The following DLGAP1 variants were observed in gnomAD, a reference collection of about 807,000 sequenced individuals.
DLGAP1 encodes disks large-associated protein 1.
In DLGAP1, 11 loss-of-function variants were observed where a neutral mutation model predicts 90.8. That is an observed-to-expected ratio of 0.12 (90% CI 0.08 to 0.20). DLGAP1 has a LOEUF of 0.20. Among genes scored for constraint, DLGAP1 ranks in the 10% least tolerant of loss-of-function variants. The probability of loss-of-function intolerance (pLI) is 1.00; values close to 1 mark genes in which losing one functional copy is unlikely to be tolerated. For synonymous variants in DLGAP1, 558 were observed against 540.7 expected (o/e 1.03, Z -0.44); for missense variants, 1,050 against 1,333.8 (o/e 0.79, Z 3.31).
intron 1 of DLGAP1, among the ~76,000 whole-genome samples, chr18:4,354,414 G>GT (rs2081462949): frequency 6.6e-6 from 1 of 152,084 alleles, no homozygotes. Flanking sequence ...AGAAGAATCT[G>GT]GACACGCCCT....
At chr18:3,643,662 CAAAA>C (rs538678987) in intron 7 of DLGAP1, among the ~76,000 whole-genome samples, 1 of 65,020 alleles carries the variant, frequency 1.5e-5, no homozygotes, top group African/African-American at 5.6e-5. Flanking sequence ...GACTCCATCT[CAAAA>C]AAAAAAAAAA....
chr18:4,433,783 T>C (rs534519969), intron 1 of DLGAP1, among the ~76,000 whole-genome samples: 1 of 152,350 alleles, frequency 6.6e-6, no homozygotes, highest in South Asian at 2.1e-4. Flanking sequence ...GTCATCTATT[T>C]ATTCTTCAGT....
Position 3,499,278 on chromosome 18 carries a change from G to A in DLGAP1, c.2841C>T (p.Ala947=). 6.3e-7 allele frequency: 1 copy of A among 1,597,530 alleles called. No homozygotes were observed. The highest frequency in any genetic ancestry group is 1.3e-5 in the African/African-American group (1 of 74,338). ...GGCGGACGGACGCGGCGCGCTTGGC[G>A]GCCATCAGGCGCTTGCGGGCCTCCT... is the stretch of plus-strand genomic sequence containing the variant. The part of the protein sequence containing the change: ...QRQEARKRLM[A]AKRAASVRQN... The change falls in exon 13 of 13, where the codon GCC becomes GCT. Residue 947 remains alanine, a synonymous_variant. Transcript: ENST00000315677. This position sits in a 1 kb window ranked among gnomAD's most constrained non-coding sequence, Gnocchi z 6.4.
chr18:4,368,781 A>AAGT (rs2081844459), intron 1 of DLGAP1, among the ~76,000 whole-genome samples: 1 of 151,840 alleles, frequency 6.6e-6, no homozygotes, highest in Non-Finnish European at 1.5e-5. Context: ...GGTTTTAAAT[A>AAGT]AAGTATTAAT....
At chr18:3,848,142 A>AAAAAAG in intron 4 of DLGAP1, among the ~76,000 whole-genome samples, 2 of 148,058 alleles carry the variant, frequency 1.4e-5, no homozygotes, top group African/African-American at 4.9e-5. Context: ...AAAAAAAAAA[A>AAAAAAG]AAAAAAAAAA....
intron 7 of DLGAP1, among the ~76,000 whole-genome samples, chr18:3,723,663 A>G (rs2062056474): frequency 6.6e-6 from 1 of 152,060 alleles, no homozygotes; most frequent in South Asian, 2.1e-4. Flanking sequence ...CTTGGAATGA[A>G]GACCCAAACC....
chr18:4,443,302 G>C (rs115707005), intron 1 of DLGAP1, among the ~76,000 whole-genome samples: 3,795 of 152,228 alleles, frequency 0.025, 62 homozygotes, highest in African/African-American at 0.044. Context: ...AGCTCTGTTT[G>C]CTCCCACTTC....
rs184540559 is a variant in DLGAP1, at chr18:3,549,804, A to G, written c.2058-15189T>C. On this transcript the variant is annotated intron_variant, in intron 9 of 12. Coordinates refer to ENST00000315677, the MANE Select transcript of DLGAP1 (RefSeq NM_004746.4). ...CAACTGAATATGTGTTACAGGCCAA[A>G]TTGTGGGCCCCTTCCCTAAATTCAT... is the stretch of plus-strand genomic sequence containing the variant. Among the ~76,000 whole-genome samples the G allele has an allele frequency of 5.4e-4, 83 of 152,328 alleles. 1 individual carries two copies. The highest frequency in any genetic ancestry group is 3.4e-3 in the Middle Eastern group (1 of 294).
intron 3 of DLGAP1, among the ~76,000 whole-genome samples, chr18:3,888,587 C>A (rs1234697111): frequency 6.6e-6 from 1 of 151,174 alleles, no homozygotes; most frequent in East Asian, 1.9e-4. Context: ...CAACTGAAAT[C>A]TTCTCCAATT....
chr18:4,422,095 T>A (rs9947879), intron 1 of DLGAP1, among the ~76,000 whole-genome samples: 9,138 of 152,164 alleles, frequency 0.06, 882 homozygotes, highest in African/African-American at 0.21. Context: ...TGTGCAAGTG[T>A]GTTCACCGCA....
chr18:4,164,332 T>C lies in DLGAP1; in HGVS notation c.-266-13045A>G, dbSNP rs575856058. On this transcript the variant is annotated intron_variant, in intron 1 of 12. Transcript: ENST00000315677. Reference sequence around the variant, plus strand: ...GACACCAATATTGAGATGAACCAGATGGTTAAATTATCTGATGGGTTTAAA... The same window carrying C: ...GACACCAATATTGAGATGAACCAGACGGTTAAATTATCTGATGGGTTTAAA... 7.2e-5 allele frequency among the ~76,000 whole-genome samples: 11 copies of C among 152,210 alleles called. No individual in the cohort carries two copies. The East Asian group carries it at 7.7e-4, about 11-fold the overall frequency.
chr18:4,400,858 A>C (rs191757280), intron 1 of DLGAP1, among the ~76,000 whole-genome samples: 2 of 152,194 alleles, frequency 1.3e-5, no homozygotes, highest in Admixed American at 6.5e-5. Flanking sequence ...CTCCTGCTAT[A>C]GAACAATCCA....
chr18:4,245,297 TTTTC>T (rs1404422785), intron 1 of DLGAP1, among the ~76,000 whole-genome samples: 1 of 152,208 alleles, frequency 6.6e-6, no homozygotes, highest in African/African-American at 2.4e-5. Context: ...TGTGCACAAC[TTTTC>T]TTTCATCAGC....
At chr18:4,126,395 C>T (rs1255437232) in intron 2 of DLGAP1, among the ~76,000 whole-genome samples, 2 of 152,138 alleles carry the variant, frequency 1.3e-5, no homozygotes, top group Non-Finnish European at 2.9e-5. Context: ...AGCTTGTTTG[C>T]CATCTAGCCC....
intron 2 of DLGAP1, chr18:4,013,472 T>C (rs1021537074): frequency 4.6e-5 from 7 of 152,208 alleles, no homozygotes; most frequent in Non-Finnish European, 8.8e-5. Flanking sequence ...GATATCTGTT[T>C]GTGGTTAAAA....
chr18:4,022,175 T>C (rs1207634788), intron 2 of DLGAP1, among the ~76,000 whole-genome samples: 2 of 152,132 alleles, frequency 1.3e-5, no homozygotes, highest in African/African-American at 2.4e-5. Flanking sequence ...CAGAAAACTT[T>C]TTTAAACATA....
At chr18:4,243,607 A>C (rs960390651) in intron 1 of DLGAP1, among the ~76,000 whole-genome samples, 10 of 152,212 alleles carry the variant, frequency 6.6e-5, no homozygotes, top group Non-Finnish European at 1.3e-4. Flanking sequence ...TTTGAATACA[A>C]AACAAAACAA....
chr18:4,078,201 A>G (rs1376343305), intron 2 of DLGAP1, among the ~76,000 whole-genome samples: 1 of 152,184 alleles, frequency 6.6e-6, no homozygotes, highest in Non-Finnish European at 1.5e-5. Flanking sequence ...TCCTTCTAGA[A>G]AGATTATTCT....
chr18:4,050,846 A>G (rs1200958024), intron 2 of DLGAP1, among the ~76,000 whole-genome samples: 1 of 151,366 alleles, frequency 6.6e-6, no homozygotes, highest in African/African-American at 2.4e-5. Context: ...CCTGACAAAA[A>G]CAGCAGGTAG....
Sources: allele counts gnomAD v4.1 joint callset (sites outside exome capture counted in the v4.1 genomes callset), GRCh38; gene constraint gnomAD v4.1.1; non-coding constraint Gnocchi (gnomAD v3.1); transcripts MANE v1.5; gene names NCBI Gene and HGNC (gene_info 2026-07-23, HGNC 2026-07-21).